Variants in PITPNB observed in about 807,000 individuals in gnomAD.
The protein encoded by PITPNB is phosphatidylinositol transfer protein beta isoform.
In PITPNB, 16 loss-of-function variants were observed where a neutral mutation model predicts 45.9. The ratio of observed to expected loss-of-function variants is 0.35; its 90% confidence interval spans 0.24 to 0.53. PITPNB has a LOEUF of 0.53. Ranked by LOEUF, PITPNB falls within the 20% of genes least tolerant of loss-of-function variation. The pLI is 0.93. For synonymous variants in PITPNB, 112 were observed against 108.9 expected (o/e 1.03, Z -0.18); for missense variants, 188 against 330.5 (o/e 0.57, Z 3.34).
chr22:27,897,187 A>G (rs1480991334), intron 4 of PITPNB, 50 bp from the exon 5 acceptor site: 12 of 1,290,222 alleles, frequency 9.3e-6, no homozygotes, highest in Non-Finnish European at 1.2e-5. Context: ...ATTTCAGAAT[A>G]TTAATTGGAG....
At chr22:27,897,274 T>C (rs1370531058) in intron 4 of PITPNB, 137 bp from the exon 5 acceptor site, 2 of 740,052 alleles carry the variant, frequency 2.7e-6, no homozygotes, top group Non-Finnish European at 4.9e-6. Flanking sequence ...TAGTAATTTA[T>C]GTCTGCAAAA....
chr22:27,881,234 AGGCGTTT>A lies in PITPNB; in HGVS notation c.457-7426_457-7420del, dbSNP rs1442341375. Reference sequence around the variant, plus strand: ...TTTCACAGTAAAGGCAAGATGAGACAGGCGTTTGGCAAACAGAAATTTCTTAAGCATA... The same window carrying A: ...TTTCACAGTAAAGGCAAGATGAGACAGGCAAACAGAAATTTCTTAAGCATA... On this transcript the variant is annotated intron_variant, in intron 7 of 11. Transcript: ENST00000335272. Among the ~76,000 whole-genome samples, 3 of 152,374 alleles carry A rather than the reference AGGCGTTT, an allele frequency of 2.0e-5. No homozygotes were observed. In the South Asian group the frequency reaches 6.2e-4, roughly 32 times the overall value.
At chr22:27,884,985 T>G (rs1473337258) in intron 7 of PITPNB, among the ~76,000 whole-genome samples, 3 of 151,132 alleles carry the variant, frequency 2.0e-5, no homozygotes, top group Non-Finnish European at 4.4e-5. Context: ...TACATAAATA[T>G]CTAAAAATGT....
chr22:27,873,943 TA>T (rs1249115284), intron 7 of PITPNB, 128 bp from the exon 8 acceptor site: 4 of 634,432 alleles, frequency 6.3e-6, no homozygotes, highest in African/African-American at 3.7e-5. Context: ...TGCTTTTGCG[TA>T]AAAGTAGAAA....
Position 27,864,640 on chromosome 22 carries a change from T to C in PITPNB, c.535-4399A>G, listed in dbSNP as rs186337588. Among the ~76,000 whole-genome samples, 561 of 152,266 alleles carry C rather than the reference T, an allele frequency of 3.7e-3. 3 individuals carry two copies. Among genetic ancestry groups the C allele is most frequent in the Middle Eastern group, 6.8e-3 (2 of 294 alleles). ...GATGGGCTATTATGCATACAGCCAT[T>C]AAAAAACATTTTTTTCCAGCGGTAC... On this transcript the variant is annotated intron_variant, in intron 8 of 11. Coordinates refer to ENST00000335272, the MANE Select transcript of PITPNB (RefSeq NM_012399.5).
At chr22:27,864,869 C>T (rs1934438174) in intron 8 of PITPNB, among the ~76,000 whole-genome samples, 2 of 150,976 alleles carry the variant, frequency 1.3e-5, no homozygotes, top group African/African-American at 4.9e-5. Flanking sequence ...ACCCAGGAGG[C>T]AGAGGTTGCA....
At chr22:27,891,726 T>TC (rs1935285627) in intron 7 of PITPNB, among the ~76,000 whole-genome samples, 1 of 152,102 alleles carries the variant, frequency 6.6e-6, no homozygotes, top group Non-Finnish European at 1.5e-5. Flanking sequence ...TGATTCCCCT[T>TC]CCACCATGAC....
intron 7 of PITPNB, among the ~76,000 whole-genome samples, chr22:27,889,713 C>T (rs913326197): frequency 6.6e-6 from 1 of 152,222 alleles, no homozygotes; most frequent in African/African-American, 2.4e-5. Context: ...GACTGTAAGT[C>T]TCTTGTAGGT....
intron 3 of PITPNB, 141 bp downstream of exon 3, chr22:27,910,823 G>T: frequency 1.6e-6 from 1 of 614,446 alleles, no homozygotes; most frequent in Non-Finnish European, 2.9e-6. Context: ...AAAGGAGGAG[G>T]TTCTGCCAAA....
chr22:27,915,629 TC>T (rs748357779), intron 1 of PITPNB, among the ~76,000 whole-genome samples: 1 of 152,152 alleles, frequency 6.6e-6, no homozygotes, highest in Non-Finnish European at 1.5e-5. Flanking sequence ...TAACGGTGAT[TC>T]AAAAACAATG....
chr22:27,896,611 CT>C lies in PITPNB; in HGVS notation c.312del (p.Asp105MetfsTer18), dbSNP rs1161971125. 1 of 1,605,660 alleles carries C rather than the reference CT, an allele frequency of 6.2e-7. No individual in the cohort carries two copies. The highest frequency in any genetic ancestry group is 2.2e-5 in the East Asian group (1 of 44,838). ...CRTIVTNEYM[K>X]DDFFIKIETW... is the part of the protein sequence containing the mutation. ...GTTTCGATTTTAATGAAGAAATCAT[CT>C]TTCATATATTCATTCTGCAGAAAAC... On this transcript the variant is annotated frameshift_variant, in exon 6 of 12. Transcript: ENST00000335272. LOFTEE classifies it high-confidence loss of function.
At chr22:27,879,400 T>C (rs946444489) in intron 7 of PITPNB, among the ~76,000 whole-genome samples, 8 of 152,148 alleles carry the variant, frequency 5.3e-5, no homozygotes, top group Non-Finnish European at 8.8e-5. Flanking sequence ...TGGAGCAAGC[T>C]CTTGAGATTC....
Position 27,919,200 on chromosome 22 carries a change from A to T in PITPNB, c.-9T>A. ...TCCTTGATCAGCACCATCTTCCCGGAACCCCCTCACAGCTGCCGCCGATAC... is the reference window on the plus strand; with the variant it reads ...TCCTTGATCAGCACCATCTTCCCGGTACCCCCTCACAGCTGCCGCCGATAC... On this transcript the variant is annotated 5_prime_UTR_variant, in exon 1 of 12. Transcript: ENST00000335272. 6.2e-7 allele frequency: 1 copy of T among 1,613,092 alleles called. No individual in the cohort carries two copies. The highest frequency in any genetic ancestry group is 8.5e-7 in the Non-Finnish European group (1 of 1,179,426).
chr22:27,855,083 C>A, intron 10 of PITPNB, 144 bp from the exon 11 acceptor site: 1 of 598,628 alleles, frequency 1.7e-6, no homozygotes, highest in South Asian at 2.4e-5. Context: ...TGTGGCCCCT[C>A]AAATAACCTT....
At chr22:27,854,672 C>T (rs2146342405) in intron 11 of PITPNB, among the ~76,000 whole-genome samples, 182 bp downstream of exon 11, 1 of 152,284 alleles carries the variant, frequency 6.6e-6, no homozygotes, top group Admixed American at 6.5e-5. Flanking sequence ...TCAACCTGGT[C>T]CACAGGTAAA....
intron 7 of PITPNB, chr22:27,894,268 T>C (rs1332529973): frequency 1.2e-5 from 3 of 245,628 alleles, no homozygotes; most frequent in Non-Finnish European, 2.3e-5. Context: ...GTGTTTTTTG[T>C]TTTTCAATGA....
At chr22:27,882,237 C>CT (rs1028853172) in intron 7 of PITPNB, among the ~76,000 whole-genome samples, 8 of 151,842 alleles carry the variant, frequency 5.3e-5, no homozygotes, top group Admixed American at 1.3e-4. Flanking sequence ...AGCAAAATAC[C>CT]TTTTTTTTAA....
chr22:27,873,744 G>C lies in PITPNB; in HGVS notation c.528C>G (p.Asn176Lys). The C allele has an allele frequency of 6.2e-7, 1 of 1,603,590 alleles. No individual in the cohort carries two copies. Among genetic ancestry groups the C allele is most frequent in the Non-Finnish European group, 8.5e-7 (1 of 1,170,436 alleles). The change falls in exon 8 of 12, where the codon AAC becomes AAG. Residue 176 changes from asparagine to lysine, a missense_variant. Transcript: ENST00000335272. ...AAAGGTCAGCATCCAGTACCTTCCAGTTGGGTCCCAAAGGGCCTCTCTTGG... is the reference window on the plus strand; with the variant it reads ...AAAGGTCAGCATCCAGTACCTTCCACTTGGGTCCCAAAGGGCCTCTCTTGG... ...VKTKRGPLGP[N>K]WKKELANSPD...
At chr22:27,885,214 A>C (rs1170341624) in intron 7 of PITPNB, among the ~76,000 whole-genome samples, 3 of 26,110 alleles carry the variant, frequency 1.1e-4, no homozygotes, top group Non-Finnish European at 2.8e-4. Context: ...TTTATACCTA[A>C]AAAAAAAAAA....
Sources: allele counts gnomAD v4.1 joint callset (sites outside exome capture counted in the v4.1 genomes callset), GRCh38; gene constraint gnomAD v4.1.1; transcripts MANE v1.5; gene names NCBI Gene and HGNC (gene_info 2026-07-23, HGNC 2026-07-21).